RBFOX1: variants seen among roughly 807,000 people sequenced by gnomAD.
RBFOX1 encodes the protein RNA binding protein fox-1 homolog 1.
Under a neutral mutation model 57.7 loss-of-function variants are expected in RBFOX1, and 8 were observed. The ratio of observed to expected loss-of-function variants is 0.14; its 90% CI spans 0.08 to 0.25. The LOEUF is 0.25. Among genes scored for constraint, RBFOX1 ranks in the 10% least tolerant of loss-of-function variants. The probability of loss-of-function intolerance (pLI) is 1.00; values close to 1 mark genes in which losing one functional copy is unlikely to be tolerated. For synonymous variants in RBFOX1, 326 were observed against 222.4 expected (o/e 1.47, Z -4.15); for missense variants, 611 against 548.5 (o/e 1.11, Z -1.14).
chr16:5,629,585 A>C (rs2048441055), intron 3 of RBFOX1, among the ~76,000 whole-genome samples: 2 of 152,238 alleles, frequency 1.3e-5, no homozygotes, highest in African/African-American at 2.4e-5. Context: ...GCTTTAGCTT[A>C]GGACCAATGC....
intron 1 of RBFOX1, among the ~76,000 whole-genome samples, chr16:6,031,898 T>C (rs985830282): frequency 6.6e-6 from 1 of 152,206 alleles, no homozygotes; most frequent in African/African-American, 2.4e-5. Context: ...CCCAGCCTTA[T>C]GAACATATCT....
intron 1 of RBFOX1, among the ~76,000 whole-genome samples, chr16:6,098,407 A>G (rs894883970): frequency 1.8e-4 from 27 of 152,168 alleles, no homozygotes; most frequent in Admixed American, 2.6e-4. Context: ...CTCTCTATCA[A>G]TGCCCACTTG....
intron 2 of RBFOX1, among the ~76,000 whole-genome samples, chr16:6,614,510 C>T (rs2098116048): frequency 1.3e-5 from 2 of 152,150 alleles, no homozygotes; most frequent in African/African-American, 4.8e-5. Context: ...TTGTGGGTGT[C>T]CTGAGGCTGC....
At chr16:7,445,130 G>A (rs949080186) in intron 4 of RBFOX1, among the ~76,000 whole-genome samples, 2 of 152,032 alleles carry the variant, frequency 1.3e-5, no homozygotes. Flanking sequence ...TGTGGTACAG[G>A]GTGGGGATAG....
At position 5,750,743 on chromosome 16, in the gene RBFOX1, A is replaced by G. The variant is rs147398279; in HGVS notation, c.319-116560A>G. On this transcript the variant is annotated intron_variant, in intron 3 of 19. Transcript: ENST00000641259. Reference sequence around the variant, plus strand: ...GCAGTATTAGGGTGGGAGTGACCCAATTTTCCAGGTGCCGTCTGCCACAGC... The same window carrying G: ...GCAGTATTAGGGTGGGAGTGACCCAGTTTTCCAGGTGCCGTCTGCCACAGC... Among the ~76,000 whole-genome samples, 738 of 152,126 alleles carry G rather than the reference A, an allele frequency of 4.9e-3. 19 individuals carry two copies. The highest frequency in any genetic ancestry group is 0.037 in the Admixed American group (558 of 15,280).
At chr16:7,561,700 A>T (rs2090412947) in intron 5 of RBFOX1, among the ~76,000 whole-genome samples, 1 of 152,212 alleles carries the variant, frequency 6.6e-6, no homozygotes, top group Non-Finnish European at 1.5e-5. Flanking sequence ...ATATTAATAC[A>T]AAGAAAGAAG....
intron 4 of RBFOX1, among the ~76,000 whole-genome samples, chr16:7,332,326 GTC>G (rs1398389945): frequency 1.3e-5 from 2 of 152,330 alleles, no homozygotes; most frequent in East Asian, 1.9e-4. Context: ...ATTTAACTCT[GTC>G]TCTCTGCGTA....
At chr16:7,174,333 G>T (rs879326923) in intron 4 of RBFOX1, among the ~76,000 whole-genome samples, 2 of 152,118 alleles carry the variant, frequency 1.3e-5, no homozygotes, top group African/African-American at 2.4e-5. Context: ...TGATGGATAC[G>T]TGGATTGTTT....
At chr16:6,801,578 G>T (rs896318724) in intron 3 of RBFOX1, among the ~76,000 whole-genome samples, 1 of 152,058 alleles carries the variant, frequency 6.6e-6, no homozygotes, top group Non-Finnish European at 1.5e-5. Flanking sequence ...CCCATAATTG[G>T]GGTGGAGGTT....
intron 4 of RBFOX1, among the ~76,000 whole-genome samples, chr16:7,471,432 A>G (rs1205106146): frequency 6.6e-6 from 1 of 152,126 alleles, no homozygotes; most frequent in Non-Finnish European, 1.5e-5. Context: ...AGTTTGCACC[A>G]CCTGATGTTA....
chr16:5,700,220 TC>T (rs1157655340), intron 3 of RBFOX1, among the ~76,000 whole-genome samples: 1 of 152,224 alleles, frequency 6.6e-6, no homozygotes, highest in Non-Finnish European at 1.5e-5. Flanking sequence ...TGCAAACTAT[TC>T]GATCAATTTT....
chr16:7,206,836 C>G (rs984182108), intron 4 of RBFOX1, among the ~76,000 whole-genome samples: 1 of 151,908 alleles, frequency 6.6e-6, no homozygotes, highest in Non-Finnish European at 1.5e-5. Flanking sequence ...TATAAACAAT[C>G]AATTCTCTTC....
At chr16:7,493,561 G>A (rs183372161) in intron 4 of RBFOX1, among the ~76,000 whole-genome samples, 2 of 151,200 alleles carry the variant, frequency 1.3e-5, no homozygotes, top group African/African-American at 4.9e-5. Flanking sequence ...ACTTACAAGG[G>A]GGAACACAGA....
chr16:5,818,405 TCTTGGGTC>T (rs1459329382), intron 3 of RBFOX1, among the ~76,000 whole-genome samples: 1 of 152,178 alleles, frequency 6.6e-6, no homozygotes, highest in Non-Finnish European at 1.5e-5. Context: ...TATTTCCTGC[TCTTGGGTC>T]GTGGAGAGGT....
At chr16:6,987,539 A>T (rs183905990) in intron 3 of RBFOX1, among the ~76,000 whole-genome samples, 37 of 151,916 alleles carry the variant, frequency 2.4e-4, no homozygotes, top group African/African-American at 8.7e-4. Context: ...ACATAATCAT[A>T]TACACGGGCA....
intron 4 of RBFOX1, among the ~76,000 whole-genome samples, chr16:7,089,286 C>G (rs1248378545): frequency 6.6e-6 from 1 of 152,162 alleles, no homozygotes; most frequent in Non-Finnish European, 1.5e-5. Flanking sequence ...CTAGTTAAAA[C>G]TGCATGAACT....
At chr16:6,442,271 C>A (rs1034121254) in intron 2 of RBFOX1, among the ~76,000 whole-genome samples, 5 of 152,122 alleles carry the variant, frequency 3.3e-5, no homozygotes, top group African/African-American at 1.2e-4. Context: ...GAAATAAACA[C>A]TGTTGGCCGT....
At chr16:7,072,487 A>G (rs934738623) in intron 4 of RBFOX1, among the ~76,000 whole-genome samples, 5 of 152,224 alleles carry the variant, frequency 3.3e-5, no homozygotes, top group Admixed American at 6.5e-5. Flanking sequence ...TACTGCCTAT[A>G]ACATAGTAGA....
intron 4 of RBFOX1, among the ~76,000 whole-genome samples, chr16:7,130,968 T>C (rs926812042): frequency 6.6e-6 from 1 of 152,140 alleles, no homozygotes; most frequent in Non-Finnish European, 1.5e-5. Flanking sequence ...TAAGTGAAGG[T>C]GATCAGTTTT....
Sources: allele counts gnomAD v4.1 joint callset (sites outside exome capture counted in the v4.1 genomes callset), GRCh38; gene constraint gnomAD v4.1.1; transcripts MANE v1.5; gene names NCBI Gene and HGNC (gene_info 2026-07-23, HGNC 2026-07-21).